PDE7B: variants seen among roughly 807,000 people sequenced by gnomAD.
PDE7B encodes the protein phosphodiesterase 7B.
A neutral mutation model predicts 56.2 loss-of-function variants in PDE7B; 29 were observed. That is an observed-to-expected ratio of 0.52 (90% CI 0.38 to 0.70). PDE7B has a LOEUF of 0.70. PDE7B is among the 30% of genes least tolerant of loss of function. The pLI, the probability that PDE7B is intolerant of heterozygous loss-of-function variation, is 0.00. For missense variants in PDE7B, 490 were observed against 565.0 expected, an observed-to-expected ratio of 0.87 and a Z score of 1.35; for synonymous variants, 197 against 196.9, an observed-to-expected ratio of 1.00 and a Z score of 0.00.
At chr6:136,160,161 T>G (rs1778678666) in intron 8 of PDE7B, among the ~76,000 whole-genome samples, 2 of 152,320 alleles carry the variant, frequency 1.3e-5, no homozygotes, top group South Asian at 4.1e-4. Context: ...CTCTTAAAAC[T>G]GCAAGTAGGA....
intron 2 of PDE7B, among the ~76,000 whole-genome samples, chr6:135,992,654 T>C (rs1257107960): frequency 3.3e-5 from 5 of 152,198 alleles, no homozygotes; most frequent in Non-Finnish European, 7.3e-5. Flanking sequence ...AGTTTGTGGA[T>C]GGTTTATATT....
At chr6:135,957,993 A>T (rs1252616215) in intron 2 of PDE7B, among the ~76,000 whole-genome samples, 1 of 152,112 alleles carries the variant, frequency 6.6e-6, no homozygotes, top group Admixed American at 6.6e-5. Context: ...GCACTTTGGG[A>T]GGCCGAGGTG....
At chr6:136,141,435 G>C (rs943859063) in intron 3 of PDE7B, among the ~76,000 whole-genome samples, 2 of 151,992 alleles carry the variant, frequency 1.3e-5, no homozygotes, top group Non-Finnish European at 1.5e-5. Context: ...CTCCTTTTTT[G>C]TTGTGTCTCT....
intron 2 of PDE7B, among the ~76,000 whole-genome samples, chr6:136,008,290 A>C (rs965883890): frequency 2.3e-4 from 35 of 152,238 alleles, no homozygotes; most frequent in African/African-American, 7.7e-4. Context: ...GCCGCAATAA[A>C]CATACATGTG....
chr6:136,110,714 T>C (rs1208196042), intron 3 of PDE7B, among the ~76,000 whole-genome samples: 1 of 131,420 alleles, frequency 7.6e-6, no homozygotes, highest in East Asian at 2.2e-4. Context: ...TCTGCAACAT[T>C]TTTTTTTTTT....
chr6:136,004,525 G>A (rs1299203888), intron 2 of PDE7B, among the ~76,000 whole-genome samples: 1 of 151,996 alleles, frequency 6.6e-6, no homozygotes, highest in Non-Finnish European at 1.5e-5. Context: ...CAAAATCAAT[G>A]TACAAAAATC....
chr6:136,165,855 T>C (rs548263048), intron 8 of PDE7B, among the ~76,000 whole-genome samples: 2 of 152,280 alleles, frequency 1.3e-5, no homozygotes, highest in South Asian at 4.2e-4. Context: ...GTCTTTCTTC[T>C]GAATAGCCAT....
At chr6:136,044,469 G>A (rs891779970) in intron 2 of PDE7B, 4 of 152,096 alleles carry the variant, frequency 2.6e-5, no homozygotes, top group Admixed American at 2.0e-4. Flanking sequence ...ATGAATTCTA[G>A]CTCTTGTTTT....
chr6:135,875,311 G>T lies in PDE7B; in HGVS notation c.21+23292G>T, dbSNP rs749679732. Among the ~76,000 whole-genome samples the T allele has an allele frequency of 1.3e-5, 2 of 151,288 alleles. 1 individual carries two copies. The highest frequency in any genetic ancestry group is 4.2e-4 in the South Asian group (2 of 4,792). On this transcript the variant is annotated intron_variant, in intron 1 of 12. Coordinates refer to ENST00000308191, the MANE Select transcript of PDE7B (RefSeq NM_018945.4). Reference sequence around the variant, plus strand: ...TCTGCTTTCAACTAGATGGATTGAGGTTTTAAATATATTTTCTCTTATTGG... The same window carrying T: ...TCTGCTTTCAACTAGATGGATTGAGTTTTTAAATATATTTTCTCTTATTGG...
chr6:135,951,593 TG>T (rs1774700118), intron 2 of PDE7B, among the ~76,000 whole-genome samples: 2 of 152,312 alleles, frequency 1.3e-5, no homozygotes, highest in South Asian at 4.1e-4. Flanking sequence ...AAGAAATTGC[TG>T]ATCAGATTTA....
chr6:135,936,816 C>G (rs1454592407), intron 1 of PDE7B, among the ~76,000 whole-genome samples: 2 of 152,224 alleles, frequency 1.3e-5, no homozygotes, highest in Non-Finnish European at 2.9e-5. Context: ...TCAACGCTCA[C>G]TCTCTGCATG....
At chr6:136,144,975 TTAA>T (rs1778390233) in intron 3 of PDE7B, among the ~76,000 whole-genome samples, 3 of 152,276 alleles carry the variant, frequency 2.0e-5, no homozygotes, top group Admixed American at 6.5e-5. Context: ...TCTTCTCCAA[TTAA>T]TAAGTCTTCT....
intron 2 of PDE7B, among the ~76,000 whole-genome samples, chr6:135,975,775 T>G (rs1775175782): frequency 6.6e-6 from 1 of 151,124 alleles, no homozygotes. Flanking sequence ...AAAATAGAAG[T>G]GATATACTCA....
At chr6:135,987,533 C>T (rs1393277989) in intron 2 of PDE7B, among the ~76,000 whole-genome samples, 1 of 152,112 alleles carries the variant, frequency 6.6e-6, no homozygotes, top group Non-Finnish European at 1.5e-5. Context: ...AGCCTTCTTC[C>T]CTTCAGAATA....
At chr6:136,071,620 A>AAATT (rs1305382755) in intron 2 of PDE7B, among the ~76,000 whole-genome samples, 2 of 152,208 alleles carry the variant, frequency 1.3e-5, no homozygotes, top group Non-Finnish European at 2.9e-5. Context: ...CTTACTGGAA[A>AAATT]AATTATGTTA....
At chr6:136,057,869 T>TG (rs1470500655) in intron 2 of PDE7B, among the ~76,000 whole-genome samples, 3 of 152,118 alleles carry the variant, frequency 2.0e-5, no homozygotes, top group Non-Finnish European at 4.4e-5. Context: ...CCCAAGTAGC[T>TG]GGGGTCACAG....
At chr6:135,866,691 A>C (rs1304887038) in intron 1 of PDE7B, among the ~76,000 whole-genome samples, 1 of 152,222 alleles carries the variant, frequency 6.6e-6, no homozygotes, top group African/African-American at 2.4e-5. Flanking sequence ...AAATTAGCTC[A>C]TAGCAACTTT....
At chr6:136,080,025 T>A (rs754694892) in intron 2 of PDE7B, among the ~76,000 whole-genome samples, 1 of 152,126 alleles carries the variant, frequency 6.6e-6, no homozygotes, top group Non-Finnish European at 1.5e-5. Context: ...ACCACCCACC[T>A]GCAGTTCCTC....
chr6:135,917,944 C>A (rs1773988659), intron 1 of PDE7B, among the ~76,000 whole-genome samples: 1 of 152,190 alleles, frequency 6.6e-6, no homozygotes, highest in Admixed American at 6.5e-5. Flanking sequence ...ACTCCCAGCT[C>A]TTTGTGGCCC....
Sources: gnomAD v4.1 joint callset for allele counts (sites outside exome capture counted in the v4.1 genomes callset) on GRCh38, gnomAD v4.1.1 for gene constraint, MANE v1.5 for transcripts, NCBI Gene and HGNC (gene_info 2026-07-23, HGNC 2026-07-21) for gene names.